Variants in MCC observed in about 807,000 individuals in gnomAD.
MCC encodes MCC regulator of Wnt signaling pathway, also known as colorectal mutant cancer protein.
A neutral mutation model predicts 116.2 loss-of-function variants in MCC; 90 were observed. The ratio of observed to expected loss-of-function variants is 0.77; its 90% CI spans 0.65 to 0.92. The LOEUF is 0.92. Ranked by LOEUF, MCC falls within the 40% of genes least tolerant of loss-of-function variation. The pLI, the probability that MCC is intolerant of heterozygous loss-of-function variation, is 0.00. For synonymous variants in MCC, 578 were observed against 510.5 expected, an observed-to-expected ratio of 1.13 and a Z score of -1.78; for missense variants, 1,516 against 1,312.2, an observed-to-expected ratio of 1.16 and a Z score of -2.40.
chr5:113,402,432 G>A (rs1369606713), intron 1 of MCC, among the ~76,000 whole-genome samples: 2 of 152,052 alleles, frequency 1.3e-5, no homozygotes, highest in African/African-American at 4.8e-5. Context: ...GGGAATACAG[G>A]TGTGAGCCAC....
chr5:113,408,277 G>C, intron 1 of MCC, among the ~76,000 whole-genome samples: 1 of 152,094 alleles, frequency 6.6e-6, no homozygotes, highest in East Asian at 1.9e-4. Flanking sequence ...TTTGCCCTGT[G>C]TCTCAGTTTT....
intron 4 of MCC, among the ~76,000 whole-genome samples, chr5:113,145,381 A>G (rs1286444234): frequency 5.3e-5 from 8 of 152,068 alleles, no homozygotes; most frequent in African/African-American, 1.4e-4. Context: ...TTTGTTTTCC[A>G]TATTCCGTCT....
chr5:113,396,879 C>A (rs1026653768), intron 1 of MCC, among the ~76,000 whole-genome samples: 5 of 152,110 alleles, frequency 3.3e-5, no homozygotes, highest in Admixed American at 3.3e-4. Context: ...GCCCATGATT[C>A]CAAATATTCC....
At chr5:113,198,648 G>C (rs1197576701) in intron 3 of MCC, among the ~76,000 whole-genome samples, 3 of 149,436 alleles carry the variant, frequency 2.0e-5, no homozygotes, top group East Asian at 2.0e-4. Context: ...AGGCTGTAGA[G>C]AGCAGTGATC....
intron 3 of MCC, among the ~76,000 whole-genome samples, chr5:113,169,691 A>G (rs1760972606): frequency 6.6e-6 from 1 of 151,986 alleles, no homozygotes; most frequent in Admixed American, 6.6e-5. Context: ...CATTGACTTG[A>G]CCTCTTCCCC....
chr5:113,022,160 GTC>G lies in MCC; in HGVS notation c.*5140_*5141del, dbSNP rs1260878846. On this transcript the variant is annotated 3_prime_UTR_variant, in exon 19 of 19. Coordinates refer to ENST00000408903, the MANE Select transcript of MCC (RefSeq NM_001085377.2). ...AGAATGTTTGTAAAATATTATAAAT[GTC>G]TCTGTATAAATAAATGGAGTTTTTA... 4.6e-5 allele frequency: 7 copies of G among 152,546 alleles called. No individual in the cohort carries two copies. The highest frequency in any genetic ancestry group is 1.9e-4 in the East Asian group (1 of 5,198). 9.4% of individuals were successfully genotyped at this position (152,546 alleles called of 1,614,324 possible).
At chr5:113,292,332 A>G (rs756327607) in intron 3 of MCC, among the ~76,000 whole-genome samples, 2 of 152,222 alleles carry the variant, frequency 1.3e-5, no homozygotes, top group Non-Finnish European at 2.9e-5. Flanking sequence ...AAGAGGTACA[A>G]CTAAATCATG....
chr5:113,171,982 C>G (rs983678361), intron 3 of MCC, among the ~76,000 whole-genome samples: 2 of 152,144 alleles, frequency 1.3e-5, no homozygotes, highest in African/African-American at 4.8e-5. Context: ...AAATGGAAAG[C>G]TATCCAAATG....
chr5:113,341,879 T>C (rs1768024693), intron 2 of MCC, among the ~76,000 whole-genome samples: 1 of 152,122 alleles, frequency 6.6e-6, no homozygotes, highest in South Asian at 2.1e-4. Flanking sequence ...GAACAGGTGG[T>C]GTTTGGTTAC....
intron 1 of MCC, among the ~76,000 whole-genome samples, chr5:113,457,069 C>T (rs1016699718): frequency 1.6e-4 from 24 of 152,168 alleles, no homozygotes; most frequent in African/African-American, 5.1e-4. Flanking sequence ...TTCAGCCCAC[C>T]GCTGCACTGT....
Position 113,413,449 on chromosome 5 carries a change from G to T in MCC, c.171-28237C>A, listed in dbSNP as rs192209736. On this transcript the variant is annotated intron_variant, in intron 1 of 18. Coordinates refer to ENST00000408903, the MANE Select transcript of MCC (RefSeq NM_001085377.2). ...TATTGATTATTGCCTCAATTTCAGA[G>T]CCTGTTATTGGTCTCTTCAGAGATT... Among the ~76,000 whole-genome samples, 162 of 152,242 alleles carry T rather than the reference G, an allele frequency of 1.1e-3. 4 individuals are homozygous for T. The highest frequency in any genetic ancestry group is 2.7e-3 in the African/African-American group (112 of 41,552).
rs771036234 is a variant in MCC, at chr5:113,097,813, G to A, written c.1398+3926C>T. Among the ~76,000 whole-genome samples the A allele has an allele frequency of 9.2e-5, 14 of 152,266 alleles. No homozygotes were observed. The South Asian group carries it at 2.3e-3, about 25-fold the overall frequency. On this transcript the variant is annotated intron_variant, in intron 8 of 18. Transcript: ENST00000408903. ...GCTAGAAGTATAAACGTGAGCCACC[G>A]CACCTGGCCGAGGGTGACTTTTATT...
chr5:113,465,172 C>A (rs1156378189), intron 1 of MCC, among the ~76,000 whole-genome samples: 3 of 140,314 alleles, frequency 2.1e-5, no homozygotes, highest in Non-Finnish European at 3.1e-5. Flanking sequence ...TATAAAGCAA[C>A]AGTATTGAGC....
At chr5:113,261,622 TATC>T (rs1428124856) in intron 3 of MCC, among the ~76,000 whole-genome samples, 1 of 152,208 alleles carries the variant, frequency 6.6e-6, no homozygotes, top group Non-Finnish European at 1.5e-5. Flanking sequence ...TGACAAATAT[TATC>T]ATATTTAAGT....
intron 5 of MCC, among the ~76,000 whole-genome samples, chr5:113,137,397 G>GT (rs1422171311): frequency 1.3e-5 from 2 of 152,100 alleles, no homozygotes; most frequent in African/African-American, 4.8e-5. Context: ...CCATTTTAGG[G>GT]TTTTTATCAT....
intron 14 of MCC, among the ~76,000 whole-genome samples, chr5:113,062,454 C>T (rs756310772): frequency 6.6e-6 from 1 of 152,180 alleles, no homozygotes; most frequent in South Asian, 2.1e-4. Context: ...GAGGTTTGAG[C>T]AAATGATCCG....
chr5:113,320,231 T>C (rs1412404132), intron 3 of MCC, among the ~76,000 whole-genome samples: 1 of 152,060 alleles, frequency 6.6e-6, no homozygotes, highest in Non-Finnish European at 1.5e-5. Flanking sequence ...AAAACCCACA[T>C]TCATGCATTC....
intron 1 of MCC, among the ~76,000 whole-genome samples, chr5:113,417,901 C>G (rs1324951603): frequency 6.6e-6 from 1 of 151,538 alleles, no homozygotes; most frequent in Non-Finnish European, 1.5e-5. Context: ...CTACTGCACT[C>G]CAGCCTGGGT....
chr5:113,245,057 T>G (rs1764518866), intron 3 of MCC, among the ~76,000 whole-genome samples: 1 of 152,122 alleles, frequency 6.6e-6, no homozygotes, highest in Non-Finnish European at 1.5e-5. Flanking sequence ...TTTGGGAGGC[T>G]GAGGCAGGCA....
Sources: gnomAD v4.1 joint callset for allele counts (sites outside exome capture counted in the v4.1 genomes callset) on GRCh38, gnomAD v4.1.1 for gene constraint, MANE v1.5 for transcripts, NCBI Gene and HGNC (gene_info 2026-07-23, HGNC 2026-07-21) for gene names.